ZNF730: variants seen among roughly 807,000 people sequenced by gnomAD.
ZNF730 encodes the protein zinc finger protein 730, also known as putative zinc finger protein 730.
ZNF730 carries 12 observed loss-of-function variants against 12.6 expected under a neutral mutation model. The observed-to-expected ratio is 0.95, with a 90% CI of 0.61 to 1.54. The LOEUF is 1.54. Among genes scored for constraint, ZNF730 ranks in the 40% most tolerant of loss-of-function variants. The pLI, the probability that ZNF730 is intolerant of heterozygous loss-of-function variation, is 0.00. For synonymous variants in ZNF730, 194 were observed against 195.8 expected, an observed-to-expected ratio of 0.99 and a Z score of 0.08; for missense variants, 643 against 583.5, an observed-to-expected ratio of 1.10 and a Z score of -1.05.
intron 1 of ZNF730, among the ~76,000 whole-genome samples, chr19:23,106,622 T>C (rs113784883): frequency 3.8e-3 from 580 of 151,740 alleles, no homozygotes; most frequent in Non-Finnish European, 6.7e-3. Flanking sequence ...AGAAACCCCA[T>C]CTCTACAAAA....
chr19:23,107,449 CAAAAA>C (rs57120684), intron 1 of ZNF730, among the ~76,000 whole-genome samples: 9 of 47,322 alleles, frequency 1.9e-4, no homozygotes, highest in Admixed American at 3.6e-4. Context: ...AAAAAAATAC[CAAAAA>C]AAAAAAAAAA....
At chr19:23,108,351 A>G (rs1215596222) in intron 1 of ZNF730, among the ~76,000 whole-genome samples, 1 of 150,258 alleles carries the variant, frequency 6.7e-6, no homozygotes, top group African/African-American at 2.4e-5. Flanking sequence ...ACGCTGCCCC[A>G]AGTGATTTTT....
chr19:23,087,768 A>G (rs1166073616), intron 1 of ZNF730, among the ~76,000 whole-genome samples: 2 of 151,576 alleles, frequency 1.3e-5, no homozygotes, highest in African/African-American at 4.8e-5. Context: ...GGCATGCGCC[A>G]CCACGCCTGG....
chr19:23,100,535 C>A (rs558452124), intron 1 of ZNF730, among the ~76,000 whole-genome samples: 13 of 152,022 alleles, frequency 8.6e-5, no homozygotes, highest in African/African-American at 3.1e-4. Context: ...TGGACAGAGT[C>A]CACTGGTGAA....
At chr19:23,124,665 G>A (rs1383726879) in intron 1 of ZNF730, among the ~76,000 whole-genome samples, 2 of 152,176 alleles carry the variant, frequency 1.3e-5, no homozygotes, top group African/African-American at 4.8e-5. Context: ...TAAAAGAAAT[G>A]AGTCATTCTG....
chr19:23,146,598 C>A lies in ZNF730; in HGVS notation c.*42C>A, dbSNP rs746976881. 4 of 1,584,356 alleles carry A rather than the reference C, an allele frequency of 2.5e-6. No homozygotes were observed. The East Asian group carries it at 9.0e-5, about 36-fold the overall frequency. On this transcript the variant is annotated 3_prime_UTR_variant, in exon 4 of 4. Transcript: ENST00000597761. ...GCAAAGCTTTTAAACAATCTTTATA[C>A]CTTACTACACATAAGATAATTCATA...
In ZNF730 at chr19:23,146,994, T is replaced by G. The variant is rs915735191; in HGVS notation, c.*438T>G. On this transcript the variant is annotated 3_prime_UTR_variant, in exon 4 of 4. Transcript: ENST00000597761. Reference sequence around the variant, plus strand: ...AATATGAAGAATGTGACAAAGCCATTAAATTGTTGTCACATTTAATTGTAG... The same window carrying G: ...AATATGAAGAATGTGACAAAGCCATGAAATTGTTGTCACATTTAATTGTAG... 8.6e-5 allele frequency: 29 copies of G among 338,880 alleles called. No homozygotes were observed. The highest frequency in any genetic ancestry group is 1.3e-4 in the Admixed American group (3 of 23,442). 21.0% of individuals were successfully genotyped at this position (338,880 alleles called of 1,614,324 possible). A position where few individuals can be genotyped will look rare whatever the true frequency, so the allele number is the denominator to read the frequency against.
chr19:23,145,855 C>G lies in ZNF730; in HGVS notation c.811C>G (p.Leu271Val), dbSNP rs549764692. 2.5e-6 allele frequency: 4 copies of G among 1,607,846 alleles called. No homozygotes were observed. Among genetic ancestry groups the G allele is most frequent in the African/African-American group, 1.3e-5 (1 of 74,648 alleles). Residue 271 changes from leucine (L) to valine (V), a missense_variant, in exon 4 of 4, where the codon CTT becomes GTT. Leu to Val is a conservative substitution (Grantham distance 32). Transcript: ENST00000597761. Reference protein sequence around the residue: ...CGKFFNQSTNLTTHKRIHTGE... With the variant: ...CGKFFNQSTNVTTHKRIHTGE... The stretch of plus-strand genomic sequence containing the variant: ...CAAATTTTTTAACCAATCCACAAAC[C>G]TTACTACACATAAAAGAATTCATAC...
At chr19:23,087,477 A>G (rs7343165) in intron 1 of ZNF730, among the ~76,000 whole-genome samples, 64,963 of 151,928 alleles carry the variant, frequency 0.43, 15,755 homozygotes, top group African/African-American at 0.68. Context: ...AGAGTTTGCC[A>G]AAGTTGTTTA....
intron 3 of ZNF730, among the ~76,000 whole-genome samples, chr19:23,141,263 C>T (rs896066518): frequency 5.9e-5 from 9 of 151,836 alleles, no homozygotes; most frequent in African/African-American, 1.5e-4. Context: ...GGTGTGGTGG[C>T]GGGCACCTGT....
intron 1 of ZNF730, chr19:23,123,189 A>G (rs951682912): frequency 6.6e-6 from 1 of 152,206 alleles, no homozygotes; most frequent in Non-Finnish European, 1.5e-5. Flanking sequence ...TTTTTCATCA[A>G]AAAGTGCTGG....
intron 1 of ZNF730, among the ~76,000 whole-genome samples, chr19:23,086,411 C>A (rs1970065499): frequency 6.6e-6 from 1 of 152,046 alleles, no homozygotes; most frequent in African/African-American, 2.4e-5. Context: ...CCTAGGTTGT[C>A]TTTCAGGGTT....
At chr19:23,101,581 A>G (rs1378804905) in intron 1 of ZNF730, among the ~76,000 whole-genome samples, 1 of 152,188 alleles carries the variant, frequency 6.6e-6, no homozygotes, top group East Asian at 1.9e-4. Flanking sequence ...GCCTTGGCCC[A>G]GCCCACAGAT....
intron 3 of ZNF730, chr19:23,144,290 A>T (rs573053368): frequency 4.6e-5 from 7 of 152,304 alleles, no homozygotes; most frequent in African/African-American, 1.7e-4. Context: ...GTCCTGACAT[A>T]GTCTAAAAGC....
chr19:23,121,147 G>A (rs1356687571), intron 1 of ZNF730, among the ~76,000 whole-genome samples: 2 of 152,180 alleles, frequency 1.3e-5, no homozygotes, highest in African/African-American at 4.8e-5. Flanking sequence ...TATTTGACAC[G>A]TGGTGGTGAG....
intron 1 of ZNF730, among the ~76,000 whole-genome samples, chr19:23,105,527 A>G (rs1328506954): frequency 6.6e-6 from 1 of 152,196 alleles, no homozygotes; most frequent in Non-Finnish European, 1.5e-5. Flanking sequence ...GAGAGCACAC[A>G]ATTATGAGAA....
At chr19:23,084,395 C>T (rs1174757639) in intron 1 of ZNF730, among the ~76,000 whole-genome samples, 1 of 152,132 alleles carries the variant, frequency 6.6e-6, no homozygotes, top group African/African-American at 2.4e-5. Context: ...AAAAGTATTT[C>T]CTAGACAAGT....
chr19:23,123,059 T>C (rs751370735), intron 1 of ZNF730: 1 of 152,234 alleles, frequency 6.6e-6, no homozygotes, highest in Non-Finnish European at 1.5e-5. Context: ...ATTTGAATGC[T>C]GCTTTTACAG....
At position 23,145,456 on chromosome 19, in the gene ZNF730, A is replaced by G. The variant is rs1367945505; in HGVS notation, c.412A>G (p.Thr138Ala). ...TTATAATAGACATAACCAGTGTTTG[A>G]CAACTTCCCATAGCAAAATATTTCA... ...KGYNRHNQCL[T>A]TSHSKIFQCD... is the part of the protein sequence containing the mutation. The change falls in exon 4 of 4, where the codon ACA (threonine) becomes GCA (alanine). Residue 138 changes from threonine to alanine, a missense_variant. Thr to Ala is a moderately conservative substitution (Grantham distance 58). Coordinates refer to ENST00000597761, the MANE Select transcript of ZNF730 (RefSeq NM_001277403.2). The G allele has an allele frequency of 6.4e-7, 1 of 1,571,748 alleles. No homozygotes were observed. Among genetic ancestry groups the G allele is most frequent in the Non-Finnish European group, 8.6e-7 (1 of 1,160,054 alleles).
Sources: allele counts gnomAD v4.1 joint callset (sites outside exome capture counted in the v4.1 genomes callset), GRCh38; gene constraint gnomAD v4.1.1; transcripts MANE v1.5; gene names NCBI Gene and HGNC (gene_info 2026-07-23, HGNC 2026-07-21).